The following PSD3 variants were observed in gnomAD, a reference collection of about 807,000 sequenced individuals.
PSD3 encodes the protein pleckstrin and Sec7 domain containing 3.
In PSD3, 49 loss-of-function variants were observed where a neutral mutation model predicts 105.5. The observed-to-expected ratio is 0.46, with a 90% CI of 0.37 to 0.59. The LOEUF is 0.59. Among genes scored for constraint, PSD3 ranks in the 20% least tolerant of loss-of-function variants. The pLI is 0.00. For missense variants in PSD3, 1,561 were observed against 1,263.8 expected (o/e 1.24, Z -3.57); for synonymous variants, 557 against 457.8 (o/e 1.22, Z -2.77).
intron 9 of PSD3, among the ~76,000 whole-genome samples, chr8:18,682,693 G>A (rs553803848): frequency 1.7e-4 from 26 of 152,228 alleles, no homozygotes; most frequent in African/African-American, 6.3e-4. Flanking sequence ...GTCACACTAA[G>A]GTATTTTGCC....
At chr8:18,673,266 T>G (rs1027351096) in intron 9 of PSD3, among the ~76,000 whole-genome samples, 15 of 152,006 alleles carry the variant, frequency 9.9e-5, no homozygotes, top group African/African-American at 3.6e-4. Context: ...CATATTAAAA[T>G]CATACCACAG....
At chr8:18,677,472 G>A (rs868665208) in intron 9 of PSD3, among the ~76,000 whole-genome samples, 27 of 152,150 alleles carry the variant, frequency 1.8e-4, no homozygotes, top group African/African-American at 6.5e-4. Flanking sequence ...CTGAACCCAG[G>A]AGGCAGAGGT....
chr8:18,611,638 T>A (rs1156930463), intron 11 of PSD3, among the ~76,000 whole-genome samples: 1 of 152,180 alleles, frequency 6.6e-6, no homozygotes, highest in Admixed American at 6.5e-5. Context: ...ATGCATCAAA[T>A]TTTCATGCTA....
intron 2 of PSD3, among the ~76,000 whole-genome samples, chr8:18,916,784 A>C (rs1188847842): frequency 6.6e-6 from 1 of 152,170 alleles, no homozygotes; most frequent in Non-Finnish European, 1.5e-5. Flanking sequence ...TAATTAATTT[A>C]ATTTAATCAT....
chr8:18,563,244 G>A (rs1017655214), intron 14 of PSD3, among the ~76,000 whole-genome samples: 1 of 152,110 alleles, frequency 6.6e-6, no homozygotes, highest in Non-Finnish European at 1.5e-5. Context: ...CAGAAGTTGA[G>A]GGCCAAGGCA....
At chr8:18,768,511 C>T (rs113402268) in intron 8 of PSD3, among the ~76,000 whole-genome samples, 2,315 of 152,118 alleles carry the variant, frequency 0.015, 60 homozygotes, top group African/African-American at 0.05. Flanking sequence ...GGGGCAAGAT[C>T]GCTTGAGCCC....
At chr8:18,683,895 A>G in intron 9 of PSD3, 1 of 765,230 alleles carries the variant, frequency 1.3e-6, no homozygotes. Flanking sequence ...CCTCACCCGT[A>G]CCTTGCTGGC....
At chr8:18,555,198 C>T (rs1453297775) in intron 15 of PSD3, among the ~76,000 whole-genome samples, 2 of 151,924 alleles carry the variant, frequency 1.3e-5, no homozygotes, top group African/African-American at 4.8e-5. Context: ...AGGAGAAAGC[C>T]AGGGCTCAGC....
intron 9 of PSD3, among the ~76,000 whole-genome samples, chr8:18,726,631 T>C (rs1202908577): frequency 1.3e-5 from 2 of 152,218 alleles, no homozygotes; most frequent in Non-Finnish European, 2.9e-5. Context: ...TCTCAGAGTC[T>C]ATTAGAACAT....
chr8:18,782,816 G>A (rs190604310), intron 8 of PSD3, among the ~76,000 whole-genome samples: 76 of 152,314 alleles, frequency 5.0e-4, no homozygotes, highest in African/African-American at 1.7e-3. Context: ...GGGCCTAGTG[G>A]CCATCACCGA....
Position 18,691,000 on chromosome 8 carries a change from A to C in PSD3, c.2173-35315T>G, listed in dbSNP as rs928872528. On this transcript the variant is annotated intron_variant, in intron 9 of 15. Coordinates refer to ENST00000327040, the MANE Select transcript of PSD3 (RefSeq NM_015310.4). The stretch of plus-strand genomic sequence containing the variant: ...ACAATCACTATAAGAATTGGCGGTT[A>C]GGAGTAAAAAAAAAAAAATCCTATG... 2.6e-5 allele frequency among the ~76,000 whole-genome samples: 4 copies of C among 151,180 alleles called. No individual in the cohort carries two copies. In the East Asian group the frequency reaches 6.1e-4, roughly 23 times the overall value.
intron 1 of PSD3, among the ~76,000 whole-genome samples, chr8:18,968,141 T>C (rs1251074117): frequency 3.3e-5 from 5 of 152,164 alleles, no homozygotes; most frequent in Non-Finnish European, 5.9e-5. Flanking sequence ...GAGAAGGAAA[T>C]TCTGCACACG....
rs767861555 is a variant in PSD3 at position 18,995,388 on chromosome 8, G to A, written c.21+18175C>T. ...TCAATAAAAATGCAGAGTGGAAAGC[G>A]GAGATACTGAAATGCTATCAACAAA... On this transcript the variant is annotated intron_variant, in intron 1 of 15. Coordinates refer to ENST00000327040, the MANE Select transcript of PSD3 (RefSeq NM_015310.4). 1.2e-4 allele frequency among the ~76,000 whole-genome samples: 19 copies of A among 152,176 alleles called. 1 individual carries two copies. The South Asian group carries it at 1.5e-3, about 12-fold the overall frequency.
At chr8:18,746,681 A>C (rs1015778) in intron 9 of PSD3, among the ~76,000 whole-genome samples, 5,446 of 152,336 alleles carry the variant, frequency 0.036, 233 homozygotes, top group East Asian at 0.15. Context: ...CACACGGCAT[A>C]CAGTTAAAAA....
intron 9 of PSD3, among the ~76,000 whole-genome samples, chr8:18,670,147 C>T (rs1206458265): frequency 6.6e-6 from 1 of 152,062 alleles, no homozygotes; most frequent in Non-Finnish European, 1.5e-5. Context: ...GGCCTCTGGG[C>T]AAGGAAACGT....
chr8:18,802,438 T>C (rs1359054584), intron 6 of PSD3: 2 of 296,330 alleles, frequency 6.7e-6, no homozygotes, highest in Non-Finnish European at 1.4e-5. Context: ...ATGAGCCTCA[T>C]TTCTATGAAA....
chr8:18,702,294 A>T (rs1271368404), intron 9 of PSD3, among the ~76,000 whole-genome samples: 3 of 152,168 alleles, frequency 2.0e-5, no homozygotes, highest in African/African-American at 7.2e-5. Context: ...GTGATGGAGG[A>T]AATTTTTTGG....
chr8:18,666,724 T>TGGGTGGGGG (rs1554465548), intron 9 of PSD3, among the ~76,000 whole-genome samples: 1 of 136,314 alleles, frequency 7.3e-6, no homozygotes, highest in African/African-American at 2.8e-5. Flanking sequence ...TGCTTTTTTT[T>TGGGTGGGGG]GGGGGGTGGG....
chr8:18,754,006 C>G (rs940216960), intron 9 of PSD3, among the ~76,000 whole-genome samples: 2 of 152,144 alleles, frequency 1.3e-5, no homozygotes, highest in Non-Finnish European at 2.9e-5. Context: ...TTGCTACTGC[C>G]CCTCTATCTG....
Sources: allele counts gnomAD v4.1 joint callset (sites outside exome capture counted in the v4.1 genomes callset), GRCh38; gene constraint gnomAD v4.1.1; transcripts MANE v1.5; gene names NCBI Gene and HGNC (gene_info 2026-07-23, HGNC 2026-07-21).